Variants in TRMT11 observed in about 807,000 individuals in gnomAD.
TRMT11 encodes the protein tRNA (guanine(10)-N(2))-methyltransferase TRMT11.
TRMT11 carries 53 observed loss-of-function variants against 62.8 expected under a neutral mutation model. The ratio of observed to expected loss-of-function variants is 0.84; its 90% confidence interval spans 0.68 to 1.06. The LOEUF (loss-of-function observed/expected upper bound fraction) is 1.06. Ranked by LOEUF, TRMT11 falls within the 50% of genes least tolerant of loss-of-function variation. The pLI, the probability that TRMT11 is intolerant of heterozygous loss-of-function variation, is 0.00. For synonymous variants in TRMT11, 188 were observed against 190.3 expected, an observed-to-expected ratio of 0.99 and a Z score of 0.10; for missense variants, 556 against 553.4, an observed-to-expected ratio of 1.00 and a Z score of -0.05.
At chr6:126,127,402 A>T (rs1777729973) in intron 21 of TRMT11, among the ~76,000 whole-genome samples, 1 of 152,110 alleles carries the variant, frequency 6.6e-6, no homozygotes, top group Non-Finnish European at 1.5e-5. Context: ...AGTTGACTCA[A>T]TGGGTAGAAA....
upstream of TRMT11, among the ~76,000 whole-genome samples, chr6:126,176,419 G>A (rs978787053): frequency 7.1e-6 from 1 of 140,832 alleles, no homozygotes; most frequent in Non-Finnish European, 1.5e-5. Context: ...AATAACTATA[G>A]TCAGCTCTGG....
At chr6:126,147,279 T>G (rs1006575341) in intron 21 of TRMT11, among the ~76,000 whole-genome samples, 1 of 152,240 alleles carries the variant, frequency 6.6e-6, no homozygotes, top group African/African-American at 2.4e-5. Context: ...TATCCTTTTA[T>G]GGAATCTCAT....
At chr6:126,076,720 C>G (rs1291699146) in intron 17 of TRMT11, among the ~76,000 whole-genome samples, 1 of 152,122 alleles carries the variant, frequency 6.6e-6, no homozygotes. Flanking sequence ...GGTACAGTTA[C>G]CATATAAATA....
intron 21 of TRMT11, among the ~76,000 whole-genome samples, chr6:126,167,650 T>C (rs1778283860): frequency 6.6e-6 from 1 of 152,208 alleles, no homozygotes; most frequent in African/African-American, 2.4e-5. Flanking sequence ...AATCAGTGAA[T>C]TTTGAGGAGA....
Position 125,996,037 on chromosome 6 carries a change from C to T in TRMT11, c.209C>T (p.Ala70Val). Residue 70 changes from alanine (A) to valine (V), a missense_variant, in exon 3 of 13, where the codon GCC (alanine) becomes GTC (valine). By Grantham distance (64) the Ala-to-Val change is moderately conservative. Transcript: ENST00000334379. ...AATTTGATGAAACGGACAGTGTGTG[C>T]CAAGTAAGAGAAACTTATGTTCTCC... Reference protein sequence around the residue: ...ARNLMKRTVCAKSIFELWGHG... With the variant: ...ARNLMKRTVCVKSIFELWGHG... 1.2e-6 allele frequency: 2 copies of T among 1,602,892 alleles called. No homozygotes were observed. Among genetic ancestry groups the T allele is most frequent in the Non-Finnish European group, 1.7e-6 (2 of 1,169,926 alleles).
the TRMT11 span, among the ~76,000 whole-genome samples, chr6:126,236,972 T>C: frequency 3.9e-5 from 6 of 152,268 alleles, no homozygotes. Flanking sequence ...ACAGGAAATC[T>C]TTCTGCTTCC....
chr6:126,234,591 T>C, the TRMT11 span, among the ~76,000 whole-genome samples: 1 of 152,176 alleles, frequency 6.6e-6, no homozygotes, highest in Non-Finnish European at 1.5e-5. Context: ...GGAAGATACC[T>C]GATTTGTGAG....
chr6:126,111,452 TTAA>T (rs1367749845), intron 17 of TRMT11, among the ~76,000 whole-genome samples: 1 of 152,124 alleles, frequency 6.6e-6, no homozygotes, highest in African/African-American at 2.4e-5. Context: ...TAAAAGTCTC[TTAA>T]TAACAAAAGT....
the TRMT11 span, among the ~76,000 whole-genome samples, chr6:126,224,628 A>G: frequency 1.3e-5 from 2 of 152,208 alleles, no homozygotes; most frequent in African/African-American, 4.8e-5. Flanking sequence ...ACATTCCAGC[A>G]GTGGCAGAGT....
Position 126,038,859 on chromosome 6 carries a change from G to A in TRMT11, c.*23G>A. On this transcript the variant is annotated 3_prime_UTR_variant, in exon 13 of 13. Transcript: ENST00000334379. ...TGAAAATTAAGATTTTGACAATGAA[G>A]AAAGAATAAGAATTTGATTTAAAAA... The A allele has an allele frequency of 6.4e-7, 1 of 1,570,386 alleles. No individual in the cohort carries two copies. Among genetic ancestry groups the A allele is most frequent in the Non-Finnish European group, 8.6e-7 (1 of 1,161,140 alleles).
intron 7 of TRMT11, among the ~76,000 whole-genome samples, chr6:126,006,137 T>G (rs963836846): frequency 6.6e-6 from 1 of 152,020 alleles, no homozygotes; most frequent in Non-Finnish European, 1.5e-5. Flanking sequence ...CCCACTACCC[T>G]TTGTAGTCCC....
In TRMT11 at chr6:126,112,997, C is replaced by G. The variant is rs1399868351; in HGVS notation, c.*1526+43C>G. Among the ~76,000 whole-genome samples, 3 of 151,948 alleles carry G rather than the reference C, an allele frequency of 2.0e-5. No homozygotes were observed. In the East Asian group the frequency reaches 5.8e-4, roughly 29 times the overall value. The stretch of plus-strand genomic sequence containing the variant: ...AGACCACCAAATCTGTTCAATAGAC[C>G]TTTTTGCATCTGAGTGGACAGGTCC... On this transcript the variant is annotated intron_variant and NMD_transcript_variant, in intron 18 of 22. Transcript: ENST00000648977.
intron 11 of TRMT11, among the ~76,000 whole-genome samples, chr6:126,015,692 C>G (rs1300363508): frequency 2.0e-5 from 3 of 152,186 alleles, no homozygotes; most frequent in African/African-American, 7.2e-5. Flanking sequence ...AGACACCATT[C>G]AAATATTACC....
chr6:126,096,018 A>G (rs1294812481), intron 17 of TRMT11, among the ~76,000 whole-genome samples: 1 of 152,212 alleles, frequency 6.6e-6, no homozygotes, highest in Admixed American at 6.5e-5. Context: ...ACACTGGCAG[A>G]CTTTGATTGC....
intron 16 of TRMT11, among the ~76,000 whole-genome samples, chr6:126,050,595 A>T (rs1018411235): frequency 6.6e-6 from 1 of 152,072 alleles, no homozygotes; most frequent in African/African-American, 2.4e-5. Flanking sequence ...GCTACTCAGG[A>T]GGCTGAGGTG....
At chr6:126,137,932 A>G (rs567020971) in intron 21 of TRMT11, among the ~76,000 whole-genome samples, 1 of 151,964 alleles carries the variant, frequency 6.6e-6, no homozygotes, top group African/African-American at 2.4e-5. Flanking sequence ...TCTCATGGAT[A>G]TAGAATAGAA....
intron 21 of TRMT11, among the ~76,000 whole-genome samples, chr6:126,142,622 A>G (rs1777929097): frequency 6.6e-6 from 1 of 152,152 alleles, no homozygotes; most frequent in African/African-American, 2.4e-5. Flanking sequence ...TTTAGTAGAC[A>G]CATCAACATG....
chr6:126,053,909 G>A (rs1776291243), intron 17 of TRMT11, among the ~76,000 whole-genome samples: 1 of 152,144 alleles, frequency 6.6e-6, no homozygotes, highest in South Asian at 2.1e-4. Context: ...AGGGGGTGAG[G>A]GCGGGAAGGG....
At chr6:126,170,298 T>C (rs953723070) in intron 21 of TRMT11, among the ~76,000 whole-genome samples, 18 of 152,206 alleles carry the variant, frequency 1.2e-4, no homozygotes, top group Non-Finnish European at 2.5e-4. Context: ...AACTGATTCT[T>C]ACTTTTTTAA....
Sources: gnomAD v4.1 joint callset for allele counts (sites outside exome capture counted in the v4.1 genomes callset) on GRCh38, gnomAD v4.1.1 for gene constraint, MANE v1.5 for transcripts, NCBI Gene and HGNC (gene_info 2026-07-23, HGNC 2026-07-21) for gene names.